Variants in IFT74 observed in about 807,000 individuals in gnomAD.
IFT74 encodes the protein intraflagellar transport 74, also known as intraflagellar transport protein 74 homolog.
A neutral mutation model predicts 96.7 loss-of-function variants in IFT74; 92 were observed. The observed-to-expected ratio is 0.95, with a 90% CI of 0.80 to 1.13. IFT74 has a LOEUF of 1.13. Among genes scored for constraint, IFT74 ranks in the 50% most tolerant of loss-of-function variants. The probability of loss-of-function intolerance (pLI) is 0.00; values close to 1 mark genes in which losing one functional copy is unlikely to be tolerated. For synonymous variants in IFT74, 223 were observed against 213.2 expected, an observed-to-expected ratio of 1.05 and a Z score of -0.40; for missense variants, 811 against 698.2, an observed-to-expected ratio of 1.16 and a Z score of -1.82.
intron 13 of IFT74, among the ~76,000 whole-genome samples, chr9:27,031,781 T>TAAAATA (rs1030206841): frequency 5.7e-5 from 7 of 122,748 alleles, no homozygotes; most frequent in East Asian, 3.5e-4. Flanking sequence ...TAAAATAAAA[T>TAAAATA]AAATAAAATA....
In IFT74 at chr9:27,001,942, CTTTTTTTTT is replaced by C. The variant is rs35725614; in HGVS notation, c.588-7074_588-7066del. 1.9e-4 allele frequency among the ~76,000 whole-genome samples: 27 copies of C among 145,110 alleles called. No homozygotes were observed. The South Asian group carries it at 5.5e-3, about 30-fold the overall frequency. On this transcript the variant is annotated intron_variant, in intron 8 of 19. Transcript: ENST00000380062. The stretch of plus-strand genomic sequence containing the variant: ...ATTCTCCAACGTTTTCTTTTTTTCT[CTTTTTTTTT>C]TTTAAATAAAGAAAAGAGGTTTAAT...
chr9:27,016,444 A>G (rs1218790055), intron 10 of IFT74, among the ~76,000 whole-genome samples: 2 of 152,236 alleles, frequency 1.3e-5, no homozygotes, highest in African/African-American at 2.4e-5. Context: ...TTATGATGTT[A>G]AGACTCCAGC....
At chr9:27,017,265 C>A (rs1447871885) in intron 11 of IFT74, among the ~76,000 whole-genome samples, 10 of 152,018 alleles carry the variant, frequency 6.6e-5, no homozygotes, top group Admixed American at 6.6e-4. Flanking sequence ...CTCTGTAACC[C>A]AGGCTGGAGC....
chr9:27,037,725 C>T (rs1407054543), intron 13 of IFT74, among the ~76,000 whole-genome samples: 1 of 152,162 alleles, frequency 6.6e-6, no homozygotes. Flanking sequence ...AGCAAACAGT[C>T]CCTGGGTCCT....
At chr9:27,056,206 GT>G in intron 17 of IFT74, 127 bp from the exon 18 acceptor site, 1 of 689,380 alleles carries the variant, frequency 1.5e-6, no homozygotes, top group East Asian at 3.0e-5. Flanking sequence ...TTACAAACGG[GT>G]TTTAGAGTAG....
chr9:26,958,489 A>T (rs986049657), intron 1 of IFT74, among the ~76,000 whole-genome samples: 1 of 152,222 alleles, frequency 6.6e-6, no homozygotes, highest in East Asian at 1.9e-4. Flanking sequence ...AATAGAGAGT[A>T]AAGTACCTGT....
chr9:26,966,632 T>A (rs912042483), intron 2 of IFT74, among the ~76,000 whole-genome samples: 4 of 152,156 alleles, frequency 2.6e-5, no homozygotes, highest in African/African-American at 9.7e-5. Flanking sequence ...TGGTTGTCCC[T>A]TCACTTTGTT....
chr9:26,999,970 T>A (rs191841940), intron 8 of IFT74, among the ~76,000 whole-genome samples: 53 of 152,130 alleles, frequency 3.5e-4, no homozygotes, highest in Non-Finnish European at 6.6e-4. Flanking sequence ...GGGGTCACCA[T>A]GTGTTACTCA....
intron 2 of IFT74, among the ~76,000 whole-genome samples, chr9:26,965,250 A>G (rs887442264): frequency 1.2e-4 from 18 of 152,206 alleles, no homozygotes; most frequent in Admixed American, 6.5e-4. Flanking sequence ...CCATAAATTT[A>G]TCTGATTTTC....
chr9:26,974,264 C>G (rs1827003789), intron 2 of IFT74, among the ~76,000 whole-genome samples: 1 of 152,172 alleles, frequency 6.6e-6, no homozygotes, highest in Non-Finnish European at 1.5e-5. Flanking sequence ...TCCTTACATA[C>G]ACTTTTTGAG....
At chr9:26,983,965 A>C (rs544087960) in intron 4 of IFT74, 2 of 201,718 alleles carry the variant, frequency 9.9e-6, no homozygotes, top group East Asian at 3.3e-4. Flanking sequence ...TGTATTTTGA[A>C]TAGAGATGGG....
In IFT74 at chr9:26,996,637, G is replaced by A. The variant is rs1161132982; in HGVS notation, c.587+6442G>A. Reference sequence around the variant, plus strand: ...AAGAAATTCCTGTTGTATTTGTCTAGCAACATAATGAAAGAATGATGCACA... The same window carrying A: ...AAGAAATTCCTGTTGTATTTGTCTAACAACATAATGAAAGAATGATGCACA... On this transcript the variant is annotated intron_variant, in intron 8 of 19. Transcript: ENST00000380062. 14 of 495,606 alleles carry A rather than the reference G, an allele frequency of 2.8e-5. No individual in the cohort carries two copies. In the Admixed American group the frequency reaches 5.3e-4, roughly 19 times the overall value. The allele number at this position is 495,606 out of a possible 1,614,324, so 30.7% of individuals were successfully genotyped here.
intron 8 of IFT74, chr9:26,995,841 G>A: frequency 1.3e-6 from 2 of 1,598,576 alleles, no homozygotes; most frequent in Non-Finnish European, 1.7e-6. Context: ...TTTCCAAGAG[G>A]TTCATGTTCT....
chr9:26,966,498 C>T (rs944912536), intron 2 of IFT74, among the ~76,000 whole-genome samples: 1 of 151,870 alleles, frequency 6.6e-6, no homozygotes, highest in Non-Finnish European at 1.5e-5. Flanking sequence ...CTATTCAGAC[C>T]TTTTGCCCGT....
At chr9:26,991,006 T>C (rs1827841696) in intron 8 of IFT74, among the ~76,000 whole-genome samples, 1 of 152,194 alleles carries the variant, frequency 6.6e-6, no homozygotes, top group Non-Finnish European at 1.5e-5. Flanking sequence ...TACAAGCACA[T>C]TCTCTCCCAG....
intron 10 of IFT74, 37 bp from the exon 11 acceptor site, chr9:27,016,870 A>G: frequency 6.6e-7 from 1 of 1,517,516 alleles, no homozygotes; most frequent in Non-Finnish European, 8.9e-7. Flanking sequence ...TATTGATAAA[A>G]TACTAATTAA....
chr9:27,014,353 A>G (rs1829247021), intron 10 of IFT74, among the ~76,000 whole-genome samples: 1 of 152,242 alleles, frequency 6.6e-6, no homozygotes, highest in African/African-American at 2.4e-5. Context: ...TAATACAACC[A>G]GCTTGCAGAA....
chr9:27,029,222 G>T, intron 13 of IFT74, 118 bp downstream of exon 13: 1 of 645,392 alleles, frequency 1.5e-6, no homozygotes. Context: ...AATTCTCTAT[G>T]ATATTACTAA....
At chr9:26,953,991 C>T (rs1342488158), upstream of IFT74, among the ~76,000 whole-genome samples, 2 of 152,212 alleles carry the variant, frequency 1.3e-5, no homozygotes, top group South Asian at 4.1e-4. Context: ...CCCACTTGCT[C>T]CCTTCCCTAC....
Sources: gnomAD v4.1 joint callset for allele counts (sites outside exome capture counted in the v4.1 genomes callset) on GRCh38, gnomAD v4.1.1 for gene constraint, MANE v1.5 for transcripts, NCBI Gene and HGNC (gene_info 2026-07-23, HGNC 2026-07-21) for gene names.